Variants in QRFPR observed in about 807,000 individuals in gnomAD.
The protein encoded by QRFPR is pyroglutamylated RFamide peptide receptor.
In QRFPR, 37 loss-of-function variants were observed where a neutral mutation model predicts 31.3. The observed-to-expected ratio is 1.18, with a 90% CI of 0.91 to 1.56. The LOEUF (loss-of-function observed/expected upper bound fraction) is 1.56. Among genes scored for constraint, QRFPR ranks in the 40% most tolerant of loss-of-function variants. The pLI is 0.00. For synonymous variants in QRFPR, 197 were observed against 192.0 expected, an observed-to-expected ratio of 1.03 and a Z score of -0.22; for missense variants, 542 against 532.5, an observed-to-expected ratio of 1.02 and a Z score of -0.18.
At chr4:121,376,957 G>A (rs544866583) in intron 1 of QRFPR, among the ~76,000 whole-genome samples, 1 of 152,216 alleles carries the variant, frequency 6.6e-6, no homozygotes, top group South Asian at 2.1e-4. Context: ...AGGTGCTGCT[G>A]GTCCCCAGCA....
chr4:121,369,586 T>C, intron 1 of QRFPR: 1 of 1,611,616 alleles, frequency 6.2e-7, no homozygotes, highest in South Asian at 1.1e-5. Flanking sequence ...CACGGATCAG[T>C]TCCATTGGAG....
chr4:121,368,394 GC>G (rs1383120834), intron 1 of QRFPR, among the ~76,000 whole-genome samples: 1 of 150,320 alleles, frequency 6.7e-6, no homozygotes, highest in African/African-American at 2.5e-5. Flanking sequence ...CTCTTAGGAA[GC>G]TTTTAACCAA....
rs1431876114 is a variant in QRFPR, at chr4:121,359,541, C to T, written c.341-18931G>A. Among the ~76,000 whole-genome samples, 4 of 152,160 alleles carry T rather than the reference C, an allele frequency of 2.6e-5. No homozygotes were observed. In the East Asian group the frequency reaches 7.7e-4, roughly 29 times the overall value. On this transcript the variant is annotated intron_variant, in intron 1 of 5. Transcript: ENST00000394427. ...CTCCAAGTCCTTCAGTTTTGAGACT[C>T]GGACTGGCTCTCCTTGCTCCTCAAG...
Position 121,333,024 on chromosome 4 carries a change from G to A in QRFPR, c.594C>T (p.His198=). The change falls in exon 4 of 6, where the codon CAC becomes CAT. Residue 198 remains histidine (H), a synonymous_variant. Transcript: ENST00000394427. ...IKYDFLYEKE[H]ICCLEEWTSP... is the part of the protein sequence containing the mutation. Reference sequence around the variant, plus strand: ...TGGTCCACTCTTCTAAGCAGCAGATGTGTTCCTTTTCATATAGGAAGTCAT... The same window carrying A: ...TGGTCCACTCTTCTAAGCAGCAGATATGTTCCTTTTCATATAGGAAGTCAT... The A allele has an allele frequency of 2.5e-6, 4 of 1,613,350 alleles. No individual in the cohort carries two copies. The highest frequency in any genetic ancestry group is 1.1e-5 in the South Asian group (1 of 90,982).
At chr4:121,372,018 C>G (rs1726256971) in intron 1 of QRFPR, among the ~76,000 whole-genome samples, 1 of 152,138 alleles carries the variant, frequency 6.6e-6, no homozygotes, top group Non-Finnish European at 1.5e-5. Flanking sequence ...GGAGGAGCAA[C>G]CCTTAAACCA....
Position 121,380,769 on chromosome 4 carries a change from A to G in QRFPR, c.-122T>C. Reference sequence around the variant, plus strand: ...GCCTCCCTTCCTCTACTCTGGAGTCAGCCGCGCGGGAGGGCTCTAGGCTGC... The same window carrying G: ...GCCTCCCTTCCTCTACTCTGGAGTCGGCCGCGCGGGAGGGCTCTAGGCTGC... On this transcript the variant is annotated 5_prime_UTR_variant, in exon 1 of 6. Transcript: ENST00000394427. The G allele has an allele frequency of 1.1e-6, 1 of 916,922 alleles. No individual in the cohort carries two copies. Among genetic ancestry groups the G allele is most frequent in the Non-Finnish European group, 1.6e-6 (1 of 621,902 alleles). 56.8% of individuals were successfully genotyped at this position (916,922 alleles called of 1,614,324 possible).
chr4:121,375,074 C>T (rs1328068209), intron 1 of QRFPR, among the ~76,000 whole-genome samples: 1 of 152,288 alleles, frequency 6.6e-6, no homozygotes, highest in Middle Eastern at 3.4e-3. Flanking sequence ...ACCCCAAACA[C>T]TCCCCATTTC....
At position 121,343,483 on chromosome 4, in the gene QRFPR, A is replaced by C. The variant is rs535154303; in HGVS notation, c.341-2873T>G. 1.2e-4 allele frequency among the ~76,000 whole-genome samples: 18 copies of C among 152,332 alleles called. No individual in the cohort carries two copies. In the South Asian group the frequency reaches 3.3e-3, roughly 28 times the overall value. On this transcript the variant is annotated intron_variant, in intron 1 of 5. Coordinates refer to ENST00000394427, the MANE Select transcript of QRFPR (RefSeq NM_198179.3). ...AACTTAAGGCCGTCTTTTATTTAGA[A>C]AGATGGTTTAGATGCCAACGGTGGG... is the stretch of plus-strand genomic sequence containing the variant.
intron 1 of QRFPR, among the ~76,000 whole-genome samples, chr4:121,378,775 T>C (rs959802854): frequency 1.3e-5 from 2 of 152,140 alleles, no homozygotes; most frequent in African/African-American, 4.8e-5. Flanking sequence ...ACTGAAAAAT[T>C]GAGACCCAGA....
chr4:121,366,547 G>A (rs1298469253), intron 1 of QRFPR, among the ~76,000 whole-genome samples: 1 of 103,534 alleles, frequency 9.7e-6, no homozygotes, highest in Non-Finnish European at 2.1e-5. Flanking sequence ...AGGAAACCAT[G>A]TGGGACAGGG....
At chr4:121,338,115 T>C (rs1425623723) in intron 2 of QRFPR, among the ~76,000 whole-genome samples, 1 of 152,238 alleles carries the variant, frequency 6.6e-6, no homozygotes, top group Non-Finnish European at 1.5e-5. Context: ...ACCTGGCAGC[T>C]GTAGGACTCA....
chr4:121,352,633 T>C (rs1400718591), intron 1 of QRFPR, among the ~76,000 whole-genome samples: 1 of 152,088 alleles, frequency 6.6e-6, no homozygotes, highest in Non-Finnish European at 1.5e-5. Context: ...GTACATGTGA[T>C]GTTTTGATAC....
At chr4:121,365,590 T>TATAA (rs1560743959) in intron 1 of QRFPR, among the ~76,000 whole-genome samples, 1 of 5,650 alleles carries the variant, frequency 1.8e-4, no homozygotes, top group Non-Finnish European at 2.7e-4. Flanking sequence ...ATTATATATA[T>TATAA]TATATATATA....
intron 1 of QRFPR, among the ~76,000 whole-genome samples, chr4:121,361,259 T>A (rs1309018014): frequency 6.7e-6 from 1 of 150,064 alleles, no homozygotes; most frequent in Non-Finnish European, 1.5e-5. Flanking sequence ...ATCAGATGGA[T>A]CCAGTCTTCA....
chr4:121,358,821 C>T (rs1725923529), intron 1 of QRFPR, among the ~76,000 whole-genome samples: 1 of 152,158 alleles, frequency 6.6e-6, no homozygotes, highest in Non-Finnish European at 1.5e-5. Flanking sequence ...AACTAATTTC[C>T]ACTGTAGGAA....
chr4:121,364,164 G>A (rs546183696), intron 1 of QRFPR, among the ~76,000 whole-genome samples: 1 of 149,796 alleles, frequency 6.7e-6, no homozygotes, highest in African/African-American at 2.5e-5. Flanking sequence ...GAATACGGGT[G>A]TGGTAACATC....
Position 121,329,659 on chromosome 4 carries a change from C to A in QRFPR, c.951G>T (p.Val317=). 6.3e-7 allele frequency: 1 copy of A among 1,580,908 alleles called. No homozygotes were observed. The highest frequency in any genetic ancestry group is 8.6e-7 in the Non-Finnish European group (1 of 1,164,386). The part of the protein sequence containing the change: ...DVTIKMIFAI[V]QIIGFSNSIC... The stretch of plus-strand genomic sequence containing the variant: ...TGGAGTTGGAAAATCCAATAATTTG[C>A]ACGATAGCAAAAATCATCTTGATTG... The change falls in exon 6 of 6, where the codon GTG becomes GTT. Residue 317 remains valine, a synonymous_variant. Coordinates refer to ENST00000394427, the MANE Select transcript of QRFPR (RefSeq NM_198179.3).
At chr4:121,329,928 G>A (rs1725289804) in intron 5 of QRFPR, among the ~76,000 whole-genome samples, 1 of 152,120 alleles carries the variant, frequency 6.6e-6, no homozygotes, top group Non-Finnish European at 1.5e-5. Context: ...TGCGTAGCCT[G>A]GTGTCCAGCA....
chr4:121,332,234 T>C (rs1725340897), intron 4 of QRFPR, among the ~76,000 whole-genome samples: 1 of 152,190 alleles, frequency 6.6e-6, no homozygotes, highest in South Asian at 2.1e-4. Context: ...GGACTACAAG[T>C]ATCATAGCAG....
Sources: gnomAD v4.1 joint callset for allele counts (sites outside exome capture counted in the v4.1 genomes callset) on GRCh38, gnomAD v4.1.1 for gene constraint, MANE v1.5 for transcripts, NCBI Gene and HGNC (gene_info 2026-07-23, HGNC 2026-07-21) for gene names.